The following PCNT variants were observed in gnomAD, a reference collection of about 807,000 sequenced individuals.
PCNT encodes kendrin.
Under a neutral mutation model 380.4 loss-of-function variants are expected in PCNT, and 319 were observed. The ratio of observed to expected loss-of-function variants is 0.84; its 90% CI spans 0.77 to 0.92. The LOEUF (loss-of-function observed/expected upper bound fraction) is 0.92, where lower values mean the gene tolerates loss of function less well. Among genes scored for constraint, PCNT ranks in the 40% least tolerant of loss-of-function variants. The probability of loss-of-function intolerance (pLI) is 0.00; values close to 1 mark genes in which losing one functional copy is unlikely to be tolerated. For synonymous variants in PCNT, 1,845 were observed against 1,735.2 expected, an observed-to-expected ratio of 1.06 and a Z score of -1.57; for missense variants, 4,400 against 4,255.3, an observed-to-expected ratio of 1.03 and a Z score of -0.95.
At chr21:46,337,830 C>T (rs544690588) in intron 3 of PCNT, among the ~76,000 whole-genome samples, 2 of 152,190 alleles carry the variant, frequency 1.3e-5, no homozygotes, top group South Asian at 2.1e-4. Context: ...GATCCGCCCC[C>T]ACCTCGGCCT....
rs1464061465 is a variant in PCNT at position 46,416,826 on chromosome 21, A to G, written c.6908A>G (p.Gln2303Arg). 23 of 1,598,048 alleles carry G rather than the reference A, an allele frequency of 1.4e-5. No individual in the cohort carries two copies. Among genetic ancestry groups the G allele is most frequent in the Non-Finnish European group, 1.9e-5 (22 of 1,179,696 alleles). Residue 2303 changes from glutamine to arginine, a missense_variant, in exon 30 of 47, where the codon CAG becomes CGG. Transcript: ENST00000359568. ...ESPPADDHHV[Q>R]RTAVEKDVED... ...CCGCCGGCTGACGACCACCATGTGC[A>G]GAGGACGGCTGTGGTAGGTGCCTGC...
At chr21:46,384,827 G>A (rs868045483) in intron 16 of PCNT, among the ~76,000 whole-genome samples, 6 of 151,844 alleles carry the variant, frequency 4.0e-5, no homozygotes, top group Admixed American at 2.6e-4. Flanking sequence ...CGGCGGAAGC[G>A]CATTCACGGT....
At chr21:46,443,390 A>G (rs1371486771) in intron 44 of PCNT, among the ~76,000 whole-genome samples, 1 of 152,186 alleles carries the variant, frequency 6.6e-6, no homozygotes, top group Non-Finnish European at 1.5e-5. Flanking sequence ...CAGCTGTATC[A>G]GTGTTGACTC....
rs532086188 is a variant in PCNT at position 46,324,997 on chromosome 21, G to A, written c.54+715G>A. ...CCGTCCGGGCCTGGCGTACGCTGCC[G>A]GGAACCCACGCGGCGCTGGCGCCGG... On this transcript the variant is annotated intron_variant, in intron 1 of 46. Transcript: ENST00000359568. The A allele has an allele frequency of 8.1e-6, 8 of 984,470 alleles. No homozygotes were observed. In the South Asian group the frequency reaches 3.3e-4, roughly 40 times the overall value. 61.0% of individuals were successfully genotyped at this position (984,470 alleles called of 1,614,324 possible).
rs2086832724 is a variant in PCNT at position 46,412,798 on chromosome 21, C to T, written c.5995-39C>T. The T allele has an allele frequency of 5.6e-6, 9 of 1,605,056 alleles. No homozygotes were observed. In the East Asian group the frequency reaches 1.8e-4, roughly 32 times the overall value. On this transcript the variant is annotated intron_variant, in intron 28 of 46. Coordinates refer to ENST00000359568, the MANE Select transcript of PCNT (RefSeq NM_006031.6). Reference sequence around the variant, plus strand: ...CCTGAGGGGCAGCCCCAGCAACAGCCTCCTGCATGCTCAGCTTTCCTCTGT... The same window carrying T: ...CCTGAGGGGCAGCCCCAGCAACAGCTTCCTGCATGCTCAGCTTTCCTCTGT...
rs550116118 is a variant in PCNT at position 46,388,954 on chromosome 21, A to AT, written c.3607+70_3607+71insT. On this transcript the variant is annotated intron_variant, in intron 18 of 46. Transcript: ENST00000359568. The surrounding 1 kb of genome is among the most constrained non-coding windows in gnomAD (Gnocchi z 4.2). ...CTCTGTGGTCCTGGAGCTCTCTGAGAGGAGCCTCCGTATTGGGCGATGCCC... is the reference window on the plus strand; with the variant it reads ...CTCTGTGGTCCTGGAGCTCTCTGAGATGGAGCCTCCGTATTGGGCGATGCCC... The AT allele has an allele frequency of 2.4e-3, 3,684 of 1,535,474 alleles. 9 individuals carry two copies. The highest frequency in any genetic ancestry group is 2.9e-3 in the Non-Finnish European group (3,280 of 1,144,860).
intron 15 of PCNT, among the ~76,000 whole-genome samples, chr21:46,372,040 TCA>T (rs1049015435): frequency 5.4e-5 from 7 of 128,974 alleles, no homozygotes; most frequent in African/African-American, 1.8e-4. Flanking sequence ...CATGCAGCAC[TCA>T]CAGCATATGT....
intron 19 of PCNT, among the ~76,000 whole-genome samples, chr21:46,389,702 T>C (rs1276953691): frequency 6.6e-6 from 1 of 152,252 alleles, no homozygotes; most frequent in Non-Finnish European, 1.5e-5. Flanking sequence ...AGATTATCAC[T>C]AAGAAAGGAA....
At chr21:46,438,056 CCA>C in intron 40 of PCNT, 106 bp from the exon 41 acceptor site, 1 of 912,996 alleles carries the variant, frequency 1.1e-6, no homozygotes, top group South Asian at 1.4e-5. Context: ...TCATTGAACC[CCA>C]GACACATTAA....
At chr21:46,325,388 T>G (rs1292679299) in intron 1 of PCNT, among the ~76,000 whole-genome samples, 58 of 134,466 alleles carry the variant, frequency 4.3e-4, no homozygotes, top group East Asian at 1.1e-3. Context: ...CCCAGGAGGG[T>G]GGAGGGGGGA....
chr21:46,386,110 G>A (rs2085824777), intron 17 of PCNT, 127 bp downstream of exon 17: 1 of 1,104,914 alleles, frequency 9.1e-7, no homozygotes, highest in Non-Finnish European at 1.3e-6. Context: ...GCTCCTGGTG[G>A]ACGGGGACCC....
chr21:46,391,228 T>G lies in PCNT; in HGVS notation c.4068T>G (p.Asp1356Glu). Reference protein sequence around the residue: ...DLKEVLAGKEDSEHRLVLELE... With the variant: ...DLKEVLAGKEESEHRLVLELE... ...AGGAGGTGCTGGCCGGGAAGGAGGATTCCGAGCACCGTCTGGTGCTGGAGC... is the reference window on the plus strand; with the variant it reads ...AGGAGGTGCTGGCCGGGAAGGAGGAGTCCGAGCACCGTCTGGTGCTGGAGC... Residue 1356 changes from aspartate (D) to glutamate (E), a missense_variant, in exon 21 of 47, where the codon GAT (aspartate) becomes GAG (glutamate). Coordinates refer to ENST00000359568, the MANE Select transcript of PCNT (RefSeq NM_006031.6). The G allele has an allele frequency of 6.2e-7, 1 of 1,609,304 alleles. No homozygotes were observed. The highest frequency in any genetic ancestry group is 1.1e-5 in the South Asian group (1 of 89,730).
At chr21:46,407,640 G>C (rs891116453) in intron 27 of PCNT, among the ~76,000 whole-genome samples, 1 of 152,222 alleles carries the variant, frequency 6.6e-6, no homozygotes, top group Admixed American at 6.5e-5. Flanking sequence ...ACCGCGCCCA[G>C]TCTATACTTT....
chr21:46,349,014 C>G lies in PCNT; in HGVS notation c.1035C>G (p.Thr345=). Residue 345 remains threonine (T), a splice_region_variant and synonymous_variant, in exon 7 of 47, where the codon ACC becomes ACG. Coordinates refer to ENST00000359568, the MANE Select transcript of PCNT (RefSeq NM_006031.6). The part of the protein sequence containing the change: ...EMEKNAQIVK[T]LKEDWESEKD... Reference sequence around the variant, plus strand: ...AATTTTTTTTTCTTTTAAATTAGACCCTGAAGGAAGATTGGGAATCTGAAA... The same window carrying G: ...AATTTTTTTTTCTTTTAAATTAGACGCTGAAGGAAGATTGGGAATCTGAAA... The G allele has an allele frequency of 6.4e-7, 1 of 1,568,528 alleles. No individual in the cohort carries two copies. Among genetic ancestry groups the G allele is most frequent in the Non-Finnish European group, 8.8e-7 (1 of 1,139,326 alleles).
intron 38 of PCNT, among the ~76,000 whole-genome samples, chr21:46,432,701 T>C (rs2087820067): frequency 6.6e-6 from 1 of 152,210 alleles, no homozygotes; most frequent in Non-Finnish European, 1.5e-5. Flanking sequence ...CTCAGCTCAC[T>C]GCAGTCGCCG....
chr21:46,427,889 G>GT, intron 34 of PCNT, 94 bp downstream of exon 34: 1 of 1,397,054 alleles, frequency 7.2e-7, no homozygotes, highest in Non-Finnish European at 1.0e-6. Context: ...GTGAATTTCG[G>GT]TTTGTGTGTT....
At position 46,329,655 on chromosome 21, in the gene PCNT, C is replaced by T. The variant is rs2083493880; in HGVS notation, c.267+3066C>T. On this transcript the variant is annotated intron_variant, in intron 2 of 46. Coordinates refer to ENST00000359568, the MANE Select transcript of PCNT (RefSeq NM_006031.6). ...CGTGACCACAGTGGACAGGACACTT[C>T]ACCCTCAAGCGTGGGGTGGTGTGGC... Among the ~76,000 whole-genome samples the T allele has an allele frequency of 2.6e-5, 4 of 152,318 alleles. No homozygotes were observed. The South Asian group carries it at 8.3e-4, about 32-fold the overall frequency.
chr21:46,361,795 G>A (rs1308562990), intron 13 of PCNT, among the ~76,000 whole-genome samples: 1 of 152,116 alleles, frequency 6.6e-6, no homozygotes, highest in Non-Finnish European at 1.5e-5. Context: ...TTCTTGAGGA[G>A]TATTTTTGTG....
At chr21:46,377,554 T>A (rs897436848) in intron 15 of PCNT, among the ~76,000 whole-genome samples, 2 of 152,210 alleles carry the variant, frequency 1.3e-5, no homozygotes, top group Admixed American at 6.5e-5. Flanking sequence ...TGAGAAAAGT[T>A]TATTCTAAAA....
Sources: gnomAD v4.1 joint callset for allele counts (sites outside exome capture counted in the v4.1 genomes callset) on GRCh38, gnomAD v4.1.1 for gene constraint, Gnocchi (gnomAD v3.1) non-coding constraint, MANE v1.5 for transcripts, NCBI Gene and HGNC (gene_info 2026-07-23, HGNC 2026-07-21) for gene names.